HMOX2: variants seen among roughly 807,000 people sequenced by gnomAD.
The protein encoded by HMOX2 is heme oxygenase (decycling) 2.
HMOX2 carries 30 observed loss-of-function variants against 33.7 expected under a neutral mutation model. That is an observed-to-expected ratio of 0.89 (90% CI 0.67 to 1.21). The LOEUF (loss-of-function observed/expected upper bound fraction) is 1.21. Among genes scored for constraint, HMOX2 ranks in the 50% most tolerant of loss-of-function variants. HMOX2 has a pLI of 0.00. For missense variants in HMOX2, 403 were observed against 399.1 expected (o/e 1.01, Z -0.08); for synonymous variants, 155 against 155.0 (o/e 1.00, Z 0.00).
intron 1 of HMOX2, among the ~76,000 whole-genome samples, chr16:4,482,421 A>G (rs1369987097): frequency 6.6e-6 from 1 of 152,110 alleles, no homozygotes; most frequent in Non-Finnish European, 1.5e-5. Context: ...GATATATGGG[A>G]GTTGTTTCCC....
chr16:4,507,044 A>G, intron 3 of HMOX2, 32 bp downstream of exon 3: 1 of 1,423,532 alleles, frequency 7.0e-7, no homozygotes, highest in East Asian at 2.3e-5. Flanking sequence ...CCAGACTGTC[A>G]TATGGGGTTG....
At chr16:4,480,347 CTT>C (rs57106048) in intron 1 of HMOX2, among the ~76,000 whole-genome samples, 1 of 129,264 alleles carries the variant, frequency 7.7e-6, no homozygotes. Context: ...AGCACCCGGC[CTT>C]TTTTTTTTTT....
At chr16:4,504,682 CTTTTTTTTTTT>C (rs56922429) in intron 1 of HMOX2, among the ~76,000 whole-genome samples, 7 of 65,838 alleles carry the variant, frequency 1.1e-4, no homozygotes, top group East Asian at 8.1e-4. Context: ...TTGATACGGT[CTTTTTTTTTTT>C]TTTTTTTTTT....
chr16:4,501,380 C>A (rs996607584), intron 1 of HMOX2, among the ~76,000 whole-genome samples: 2 of 152,198 alleles, frequency 1.3e-5, no homozygotes, highest in Admixed American at 1.3e-4. Context: ...CACAGCTTAT[C>A]AACTTGCCCC....
chr16:4,482,045 A>G (rs1202628682), intron 1 of HMOX2, among the ~76,000 whole-genome samples: 2 of 152,188 alleles, frequency 1.3e-5, no homozygotes, highest in East Asian at 1.9e-4. Flanking sequence ...CTTTTTATGT[A>G]GGAAGGCAGA....
intron 5 of HMOX2, 38 bp downstream of exon 5, chr16:4,509,576 G>A: frequency 6.2e-7 from 1 of 1,614,098 alleles, no homozygotes. Context: ...CCTGGGGCAG[G>A]TGTAGCAGGA....
chr16:4,504,541 G>A (rs1182101612), intron 1 of HMOX2, among the ~76,000 whole-genome samples: 1 of 150,888 alleles, frequency 6.6e-6, no homozygotes, highest in African/African-American at 2.4e-5. Flanking sequence ...TGCATTTTTA[G>A]TAGAAACAGG....
intron 1 of HMOX2, among the ~76,000 whole-genome samples, chr16:4,482,721 A>T (rs905443424): frequency 6.6e-6 from 1 of 152,140 alleles, no homozygotes; most frequent in African/African-American, 2.4e-5. Context: ...AATTTACTCT[A>T]AAGGATATTA....
rs1018526240 is a variant in HMOX2, at chr16:4,510,026, AC to A, written c.*271del. ...CGACCCAGCTCTACTCCAGGCTTCC[AC>A]ACTTCTGGGCCCTAGGCTGCTTCCG... On this transcript the variant is annotated 3_prime_UTR_variant, in exon 6 of 6. Coordinates refer to ENST00000570646, the MANE Select transcript of HMOX2 (RefSeq NM_002134.4). 3.7e-5 allele frequency: 19 copies of A among 510,286 alleles called. No individual in the cohort carries two copies. The highest frequency in any genetic ancestry group is 5.6e-5 in the Non-Finnish European group (16 of 283,600). The allele number at this position is 510,286 out of a possible 1,614,324, so 31.6% of individuals were successfully genotyped here.
chr16:4,489,344 ACTTTCTTC>A (rs1180079914), intron 1 of HMOX2, among the ~76,000 whole-genome samples: 55 of 151,814 alleles, frequency 3.6e-4, no homozygotes, highest in African/African-American at 1.3e-3. Context: ...TTCCTCCCTT[ACTTTCTTC>A]CTTTCTTCCT....
At chr16:4,506,068 G>C (rs1204336387) in intron 2 of HMOX2, among the ~76,000 whole-genome samples, 1 of 152,022 alleles carries the variant, frequency 6.6e-6, no homozygotes, top group African/African-American at 2.4e-5. Context: ...CCTGTCATTG[G>C]CCAAGTTTTT....
At chr16:4,504,880 G>T (rs1186776678) in intron 1 of HMOX2, among the ~76,000 whole-genome samples, 1 of 151,468 alleles carries the variant, frequency 6.6e-6, no homozygotes, top group Non-Finnish European at 1.5e-5. Context: ...AGTAGAGACA[G>T]GGTTTCACCA....
In HMOX2 at chr16:4,476,460, G is replaced by C. The variant is rs2057838996; in HGVS notation, c.-69G>C. On this transcript the variant is annotated 5_prime_UTR_variant, in exon 1 of 6. Transcript: ENST00000570646. The stretch of plus-strand genomic sequence containing the variant: ...TGACGGGCACGCTGACTGGAGGCTG[G>C]CGGACAGGCGACAGCGACCTGCGGC... The C allele has an allele frequency of 6.6e-6, 1 of 152,278 alleles. No homozygotes were observed. The highest frequency in any genetic ancestry group is 1.5e-5 in the Non-Finnish European group (1 of 68,060). 9.4% of individuals were successfully genotyped at this position (152,278 alleles called of 1,614,324 possible).
At chr16:4,483,592 C>G (rs2058087278) in intron 1 of HMOX2, 1 of 152,102 alleles carries the variant, frequency 6.6e-6, no homozygotes, top group Non-Finnish European at 1.5e-5. Flanking sequence ...GGGTGCAGAT[C>G]AAATATATCT....
chr16:4,484,370 A>T (rs866736082), intron 1 of HMOX2, among the ~76,000 whole-genome samples: 19 of 151,968 alleles, frequency 1.3e-4, no homozygotes, highest in African/African-American at 4.1e-4. Context: ...TTTGAGAAGT[A>T]TATATAGTTA....
intron 1 of HMOX2, among the ~76,000 whole-genome samples, chr16:4,505,190 G>A (rs759746043): frequency 3.3e-5 from 5 of 152,150 alleles, no homozygotes; most frequent in Non-Finnish European, 4.4e-5. Flanking sequence ...ATACCCCAGT[G>A]TGTATTTCTT....
intron 1 of HMOX2, chr16:4,483,879 T>C (rs1320390446): frequency 6.6e-6 from 1 of 152,200 alleles, no homozygotes; most frequent in Non-Finnish European, 1.5e-5. Flanking sequence ...CCTGAAGTGC[T>C]GGGATTACAG....
At chr16:4,476,958 C>T (rs963623050) in intron 1 of HMOX2, among the ~76,000 whole-genome samples, 1 of 152,154 alleles carries the variant, frequency 6.6e-6, no homozygotes, top group Non-Finnish European at 1.5e-5. Flanking sequence ...CTCTGCCCTT[C>T]CTCTAATGCC....
In HMOX2 at chr16:4,508,122, G is replaced by A. The variant is rs1366195323; in HGVS notation, c.614G>A (p.Arg205Lys). Residue 205 changes from arginine (R) to lysine (K), a missense_variant, in exon 4 of 6, where the codon AGG becomes AAG. By Grantham distance (26) the Arg-to-Lys change is conservative. Transcript: ENST00000570646. ...AQQFKQLYRA[R>K]MNALDLNMKT... ...CAGTTCAAGCAGCTCTACCGGGCCA[G>A]GATGAACGCCCTGGACCTGAACATG... The A allele has an allele frequency of 6.2e-7, 1 of 1,614,192 alleles. No individual in the cohort carries two copies. Among genetic ancestry groups the A allele is most frequent in the Admixed American group, 1.7e-5 (1 of 60,028 alleles).
Sources: allele counts gnomAD v4.1 joint callset (sites outside exome capture counted in the v4.1 genomes callset), GRCh38; gene constraint gnomAD v4.1.1; transcripts MANE v1.5; gene names NCBI Gene and HGNC (gene_info 2026-07-23, HGNC 2026-07-21).